The following SCN11A variants were observed in gnomAD, a reference collection of about 807,000 sequenced individuals.
SCN11A encodes the protein sodium channel protein type 11 subunit alpha.
Under a neutral mutation model 162.2 loss-of-function variants are expected in SCN11A, and 122 were observed. The ratio of observed to expected loss-of-function variants is 0.75; its 90% confidence interval spans 0.65 to 0.87. The LOEUF is 0.87. Among genes scored for constraint, SCN11A ranks in the 40% least tolerant of loss-of-function variants. The probability of loss-of-function intolerance (pLI) is 0.00; values close to 1 mark genes in which losing one functional copy is unlikely to be tolerated. For missense variants in SCN11A, 2,015 were observed against 2,181.6 expected, an observed-to-expected ratio of 0.92 and a Z score of 1.52; for synonymous variants, 758 against 751.5, an observed-to-expected ratio of 1.01 and a Z score of -0.14.
rs1034371258 is a variant in SCN11A at position 38,986,637 on chromosome 3, T to C, written c.-279-26214A>G. On this transcript the variant is annotated intron_variant, in intron 2 of 29. Coordinates refer to ENST00000302328, the MANE Select transcript of SCN11A (RefSeq NM_001349253.2). Reference sequence around the variant, plus strand: ...TTCTCTCTCTCTCTCTGTGTGTGTGTGTTGTTGTTGTTGTTGTTGTATTGA... The same window carrying C: ...TTCTCTCTCTCTCTCTGTGTGTGTGCGTTGTTGTTGTTGTTGTTGTATTGA... Among the ~76,000 whole-genome samples, 26 of 149,864 alleles carry C rather than the reference T, an allele frequency of 1.7e-4. 1 individual carries two copies. The highest frequency in any genetic ancestry group is 6.6e-4 in the African/African-American group (26 of 39,548).
At chr3:39,038,923 T>A (rs1207205706) in intron 1 of SCN11A, among the ~76,000 whole-genome samples, 1 of 152,234 alleles carries the variant, frequency 6.6e-6, no homozygotes, top group Non-Finnish European at 1.5e-5. Context: ...TATGACTTCC[T>A]TTCTCTACTA....
intron 2 of SCN11A, among the ~76,000 whole-genome samples, chr3:38,971,089 T>A (rs768742910): frequency 3.9e-5 from 6 of 152,146 alleles, no homozygotes; most frequent in Non-Finnish European, 5.9e-5. Flanking sequence ...TGTGTGTCCC[T>A]GAGAGCTCAG....
intron 1 of SCN11A, among the ~76,000 whole-genome samples, chr3:39,035,595 G>A (rs1246887008): frequency 6.6e-6 from 1 of 151,918 alleles, no homozygotes; most frequent in Non-Finnish European, 1.5e-5. Context: ...TGCTCTGGCT[G>A]AAGTGCAGTG....
At chr3:39,009,781 ATCC>A (rs1263234215) in intron 2 of SCN11A, among the ~76,000 whole-genome samples, 1 of 150,622 alleles carries the variant, frequency 6.6e-6, no homozygotes, top group African/African-American at 2.5e-5. Flanking sequence ...AACTCAAGTG[ATCC>A]TCCCACCTCA....
intron 2 of SCN11A, among the ~76,000 whole-genome samples, chr3:38,987,645 C>T (rs896560544): frequency 6.6e-6 from 1 of 152,202 alleles, no homozygotes; most frequent in African/African-American, 2.4e-5. Flanking sequence ...CGACCTCACA[C>T]TCGTTCTGGA....
intron 1 of SCN11A, among the ~76,000 whole-genome samples, chr3:39,039,780 A>G (rs1575369966): frequency 6.6e-6 from 1 of 151,898 alleles, no homozygotes; most frequent in Non-Finnish European, 1.5e-5. Context: ...AGATCAGCCC[A>G]CCTAGAGGCT....
At chr3:38,869,471 AAC>A (rs1265029370) in intron 26 of SCN11A, among the ~76,000 whole-genome samples, 1 of 152,188 alleles carries the variant, frequency 6.6e-6, no homozygotes, top group East Asian at 1.9e-4. Context: ...AATTGTTATA[AAC>A]AGTTAAGTAT....
At chr3:39,015,678 G>C (rs2031271664) in intron 2 of SCN11A, among the ~76,000 whole-genome samples, 1 of 152,184 alleles carries the variant, frequency 6.6e-6, no homozygotes, top group South Asian at 2.1e-4. Context: ...CATAGAGACA[G>C]TGACTACACT....
chr3:38,961,401 T>C (rs941619141), intron 2 of SCN11A, among the ~76,000 whole-genome samples: 1 of 152,170 alleles, frequency 6.6e-6, no homozygotes, highest in Admixed American at 6.5e-5. Context: ...CCTGGTTGCT[T>C]TTCTCCCCCT....
chr3:38,919,412 C>T (rs976717834), intron 11 of SCN11A, among the ~76,000 whole-genome samples: 1 of 152,186 alleles, frequency 6.6e-6, no homozygotes, highest in South Asian at 2.1e-4. Flanking sequence ...GAATCTTTCA[C>T]AATAGAAAGC....
At chr3:38,897,967 G>A (rs961998115) in intron 17 of SCN11A, among the ~76,000 whole-genome samples, 4 of 152,084 alleles carry the variant, frequency 2.6e-5, no homozygotes, top group Non-Finnish European at 1.5e-5. Context: ...CAGGCACAGT[G>A]GCTCTCATCT....
intron 7 of SCN11A, among the ~76,000 whole-genome samples, chr3:38,940,954 T>C (rs1446864586): frequency 6.6e-6 from 1 of 152,150 alleles, no homozygotes; most frequent in Non-Finnish European, 1.5e-5. Context: ...ATAAGGACAA[T>C]TATTTGAAGG....
At chr3:39,039,884 C>T (rs1472359504) in intron 1 of SCN11A, among the ~76,000 whole-genome samples, 1 of 152,228 alleles carries the variant, frequency 6.6e-6, no homozygotes, top group Non-Finnish European at 1.5e-5. Context: ...TTAGCACCCA[C>T]TGCTGCCAGC....
At chr3:39,025,858 C>G (rs1439212781) in intron 2 of SCN11A, 1 of 152,200 alleles carries the variant, frequency 6.6e-6, no homozygotes, top group East Asian at 1.9e-4. Flanking sequence ...CTCCCCAATT[C>G]AAGATGAAGT....
intron 11 of SCN11A, among the ~76,000 whole-genome samples, chr3:38,917,078 T>A (rs76184860): frequency 6.6e-6 from 1 of 152,176 alleles, no homozygotes; most frequent in East Asian, 1.9e-4. Context: ...TTGTACATCA[T>A]TGATCATTAG....
At chr3:38,971,443 TACTA>T (rs1327536447) in intron 2 of SCN11A, among the ~76,000 whole-genome samples, 2 of 152,118 alleles carry the variant, frequency 1.3e-5, no homozygotes, top group Non-Finnish European at 2.9e-5. Context: ...TAAAGGGCCT[TACTA>T]ACTGAGCACT....
intron 2 of SCN11A, among the ~76,000 whole-genome samples, chr3:39,021,786 T>C (rs553005870): frequency 2.6e-4 from 40 of 152,326 alleles, no homozygotes; most frequent in Admixed American, 1.3e-3. Flanking sequence ...GTTGTCTGGA[T>C]GGAGCCTGAA....
At chr3:38,856,737 TA>T (rs1249447723) in intron 28 of SCN11A, among the ~76,000 whole-genome samples, 1 of 151,758 alleles carries the variant, frequency 6.6e-6, no homozygotes, top group Non-Finnish European at 1.5e-5. Flanking sequence ...AATAAATAAA[TA>T]AAAATGTACA....
intron 2 of SCN11A, among the ~76,000 whole-genome samples, chr3:38,981,726 C>T (rs894302443): frequency 3.3e-5 from 5 of 152,118 alleles, no homozygotes; most frequent in African/African-American, 1.2e-4. Context: ...AAGGGAGAGC[C>T]TGGCACAGTG....
Sources: gnomAD v4.1 joint callset for allele counts (sites outside exome capture counted in the v4.1 genomes callset) on GRCh38, gnomAD v4.1.1 for gene constraint, MANE v1.5 for transcripts, NCBI Gene and HGNC (gene_info 2026-07-23, HGNC 2026-07-21) for gene names.